FAM3A: variants seen among roughly 807,000 people sequenced by gnomAD.
FAM3A encodes the protein protein FAM3A.
In FAM3A, 5 loss-of-function variants were observed where a neutral mutation model predicts 18.1. The ratio of observed to expected loss-of-function variants is 0.28; its 90% CI spans 0.14 to 0.58. The LOEUF (loss-of-function observed/expected upper bound fraction) is 0.58. FAM3A is among the 20% of genes least tolerant of loss of function. The pLI is 0.91. For missense variants in FAM3A, 154 were observed against 216.6 expected, an observed-to-expected ratio of 0.71 and a Z score of 1.81; for synonymous variants, 108 against 90.2, an observed-to-expected ratio of 1.20 and a Z score of -1.12.
At chrX:154,507,985 C>A (rs1169044776) in intron 5 of FAM3A, 124 bp from the exon 6 acceptor site, 28 of 626,236 alleles carry the variant, frequency 4.5e-5, no homozygotes, top group Middle Eastern at 1.0e-3. Flanking sequence ...CAATATTCAT[C>A]CATTTGTTCA....
rs947540780 is a variant in FAM3A at position 154,506,610 on chromosome X, G to A, written c.*201C>T. ...ACCCTGGGCTCCCGTGACAAAGTGCGGCAGGGCTACCCCCTGCAGCCCCCA... is the reference window on the plus strand; with the variant it reads ...ACCCTGGGCTCCCGTGACAAAGTGCAGCAGGGCTACCCCCTGCAGCCCCCA... On this transcript the variant is annotated 3_prime_UTR_variant, in exon 9 of 9. Transcript: ENST00000447601. The A allele has an allele frequency of 8.9e-5, 38 of 425,899 alleles. No individual in the cohort carries two copies. The Admixed American group carries it at 9.0e-4, about 10-fold the overall frequency. 35.1% of individuals were successfully genotyped at this position (425,899 alleles called of 1,213,427 possible).
At chrX:154,513,389 T>C (rs1557223964) in intron 1 of FAM3A, among the ~76,000 whole-genome samples, 1 of 111,472 alleles carries the variant, frequency 9.0e-6, no homozygotes, top group Non-Finnish European at 1.9e-5. Flanking sequence ...CCCAGAACTT[T>C]AGGAGGCCGA....
chrX:154,507,931 C>CG, intron 5 of FAM3A, 70 bp from the exon 6 acceptor site: 1 of 962,730 alleles, frequency 1.0e-6, no homozygotes, highest in Admixed American at 2.9e-5. Flanking sequence ...CGGGTAGCAC[C>CG]GGGGGTGGGG....
At chrX:154,511,515 TCAGG>T (rs1557222605) in intron 3 of FAM3A, 3 of 231,087 alleles carry the variant, frequency 1.3e-5, no homozygotes, top group African/African-American at 8.4e-5. Flanking sequence ...AGAAAGAATC[TCAGG>T]CCACAGAGGA....
rs2069695407 is a variant in FAM3A, at chrX:154,508,609, T to C, written c.152-12A>G. ...CCTGGCCCGTGGCGCTGGGCAGGGA[T>C]AGCAGGTGTTATCCATGGGCCTGGC... On this transcript the variant is annotated splice_polypyrimidine_tract_variant and intron_variant, in intron 3 of 8. Transcript: ENST00000447601. 1 of 1,179,405 alleles carries C rather than the reference T, an allele frequency of 8.5e-7. No individual in the cohort carries two copies. The highest frequency in any genetic ancestry group is 1.1e-6 in the Non-Finnish European group (1 of 879,112).
intron 3 of FAM3A, chrX:154,508,848 T>G: frequency 2.1e-6 from 1 of 479,751 alleles, no homozygotes. Context: ...AGGGCTGGCC[T>G]GGGCCACTGC....
In FAM3A at chrX:154,507,199, A is replaced by AT. The variant is rs782751273; in HGVS notation, c.597+3dup. 9 of 1,195,754 alleles carry AT rather than the reference A, an allele frequency of 7.5e-6. No individual in the cohort carries two copies. The African/African-American group carries it at 1.4e-4, about 19-fold the overall frequency. On this transcript the variant is annotated splice_donor_region_variant and intron_variant, in intron 8 of 8. Transcript: ENST00000447601. Reference sequence around the variant, plus strand: ...GTGGGGGTGATGCCAGGCACCCCCCATACCTGCTCAAAGGGGCTCTTGTTC... The same window carrying AT: ...GTGGGGGTGATGCCAGGCACCCCCCATTACCTGCTCAAAGGGGCTCTTGTTC...
At chrX:154,514,215 G>A (rs782529312) in intron 1 of FAM3A, among the ~76,000 whole-genome samples, 1 of 111,523 alleles carries the variant, frequency 9.0e-6, no homozygotes, top group Admixed American at 9.5e-5. Context: ...ATCTCAGGCT[G>A]CCTTCTGGTC....
chrX:154,507,914 C>T (rs782517797), intron 5 of FAM3A, 53 bp from the exon 6 acceptor site: 16 of 1,093,962 alleles, frequency 1.5e-5, no homozygotes, highest in South Asian at 1.2e-4. Context: ...CCTCAGGGCA[C>T]GGCAGGCGGG....
chrX:154,507,198 C>A lies in FAM3A; in HGVS notation c.597+5G>T, dbSNP rs2069590429. The A allele has an allele frequency of 1.7e-6, 2 of 1,196,952 alleles. No individual in the cohort carries two copies. The highest frequency in any genetic ancestry group is 2.3e-6 in the Non-Finnish European group (2 of 888,237). On this transcript the variant is annotated splice_donor_5th_base_variant and intron_variant, in intron 8 of 8. Coordinates refer to ENST00000447601, the MANE Select transcript of FAM3A (RefSeq NM_021806.4). ...GGTGGGGGTGATGCCAGGCACCCCC[C>A]ATACCTGCTCAAAGGGGCTCTTGTT... is the stretch of plus-strand genomic sequence containing the variant.
chrX:154,513,370 G>A (rs1038629470), intron 1 of FAM3A, among the ~76,000 whole-genome samples: 2 of 111,852 alleles, frequency 1.8e-5, no homozygotes, highest in Non-Finnish European at 3.8e-5. Context: ...AGTGGCTCAC[G>A]CCTGTAATCC....
Position 154,507,266 on chromosome X carries a change from G to A in FAM3A, c.534C>T (p.Ala178=). 1 of 1,211,241 alleles carries A rather than the reference G, an allele frequency of 8.3e-7. No individual in the cohort carries two copies. Among genetic ancestry groups the A allele is most frequent in the Non-Finnish European group, 1.1e-6 (1 of 895,158 alleles). ...ELGSRNAKEL[A]FRDSWVFVGA... is the part of the protein sequence containing the mutation. ...CGACAAACACCCAGCTGTCCCGGAAGGCCAGCTCCTTGGCGTTCCTGCTGC... is the reference window on the plus strand; with the variant it reads ...CGACAAACACCCAGCTGTCCCGGAAAGCCAGCTCCTTGGCGTTCCTGCTGC... The change falls in exon 8 of 9, where the codon GCC becomes GCT. Residue 178 remains alanine (A), a synonymous_variant. Transcript: ENST00000447601.
At position 154,506,377 on chromosome X, in the gene FAM3A, T is replaced by A. The variant is rs1557217846; in HGVS notation, c.*434A>T. The stretch of plus-strand genomic sequence containing the variant: ...ACTGGAAGGAATCACACTGGAAACA[T>A]GTTTAGCCCGCAGTGCAGAGTGGCT... On this transcript the variant is annotated 3_prime_UTR_variant, in exon 9 of 9. Coordinates refer to ENST00000447601, the MANE Select transcript of FAM3A (RefSeq NM_021806.4). 2 of 129,874 alleles carry A rather than the reference T, an allele frequency of 1.5e-5. No individual in the cohort carries two copies. Among genetic ancestry groups the A allele is most frequent in the Non-Finnish European group, 1.6e-5 (1 of 64,257 alleles). 10.7% of individuals were successfully genotyped at this position (129,874 alleles called of 1,213,427 possible).
chrX:154,511,408 G>A (rs1215126109), intron 3 of FAM3A: 1 of 119,973 alleles, frequency 8.3e-6, no homozygotes, highest in African/African-American at 3.2e-5. Flanking sequence ...TGCCGGCCTG[G>A]AGTGAAGGGG....
chrX:154,515,808 G>T lies in FAM3A; in HGVS notation c.-36C>A. On this transcript the variant is annotated 5_prime_UTR_variant, in exon 1 of 9. Coordinates refer to ENST00000447601, the MANE Select transcript of FAM3A (RefSeq NM_021806.4). ...CCTGCTGGGTTGGGACCGCCGGCAA[G>T]TGCACTGTTTGGGGGCAAAGCGGAA... 4 of 1,209,631 alleles carry T rather than the reference G, an allele frequency of 3.3e-6. No individual in the cohort carries two copies. The highest frequency in any genetic ancestry group is 4.5e-6 in the Non-Finnish European group (4 of 893,557).
chrX:154,512,364 A>T, intron 2 of FAM3A: 1 of 251,931 alleles, frequency 4.0e-6, no homozygotes, highest in South Asian at 4.6e-5. Flanking sequence ...GCTTGAACCC[A>T]GGAGGTAGAG....
At position 154,508,586 on chromosome X, in the gene FAM3A, T is replaced by G; in HGVS notation, c.163A>C (p.Arg55=). 1 of 1,191,280 alleles carries G rather than the reference T, an allele frequency of 8.4e-7. No individual in the cohort carries two copies. The part of the protein sequence containing the change: ...ESSVTAAPRA[R]KYKCGLPQPC... ...TGGGGCAGGCCACACTTGTACTTCC[T>G]GGCCCGTGGCGCTGGGCAGGGATAG... The change falls in exon 4 of 9, where the codon AGG becomes CGG. Residue 55 remains arginine, a synonymous_variant. Transcript: ENST00000447601.
Position 154,508,275 on chromosome X carries a change from G to A in FAM3A, c.334+14C>T, listed in dbSNP as rs1239937162. ...GAAGGAGGGCGGCAGGCCACGCTCA[G>A]CCAGGGGCCTCACCGTTCACCAGGG... On this transcript the variant is annotated intron_variant, in intron 5 of 8. Coordinates refer to ENST00000447601, the MANE Select transcript of FAM3A (RefSeq NM_021806.4). 3 of 1,076,541 alleles carry A rather than the reference G, an allele frequency of 2.8e-6. No individual in the cohort carries two copies. The African/African-American group carries it at 5.9e-5, about 21-fold the overall frequency. 88.7% of individuals were successfully genotyped at this position (1,076,541 alleles called of 1,213,427 possible).
chrX:154,511,634 G>C (rs2069875270), intron 3 of FAM3A, among the ~76,000 whole-genome samples: 1 of 112,040 alleles, frequency 8.9e-6, no homozygotes, highest in African/African-American at 3.2e-5. Flanking sequence ...TTTGCAGTGG[G>C]AGTATCTATC....
Sources: gnomAD v4.1 joint callset for allele counts (sites outside exome capture counted in the v4.1 genomes callset) on GRCh38, gnomAD v4.1.1 for gene constraint, MANE v1.5 for transcripts, NCBI Gene and HGNC (gene_info 2026-07-23, HGNC 2026-07-21) for gene names.